Variants in RASSF3 observed in about 807,000 individuals in gnomAD.
RASSF3 encodes the protein ras association domain-containing protein 3.
Under a neutral mutation model 19.9 loss-of-function variants are expected in RASSF3, and 19 were observed. The observed-to-expected ratio is 0.96, with a 90% CI of 0.67 to 1.40. The LOEUF is 1.40. RASSF3 is among the 40% of genes most tolerant of loss of function. The probability of loss-of-function intolerance (pLI) is 0.00; values close to 1 mark genes in which losing one functional copy is unlikely to be tolerated. For synonymous variants in RASSF3, 110 were observed against 104.2 expected (o/e 1.06, Z -0.34); for missense variants, 306 against 289.8 (o/e 1.06, Z -0.41).
chr12:64,679,261 A>G (rs1311563332), intron 1 of RASSF3, among the ~76,000 whole-genome samples: 1 of 152,142 alleles, frequency 6.6e-6, no homozygotes, highest in East Asian at 1.9e-4. Flanking sequence ...GGGTTTCACC[A>G]TGTTGGCCAG....
intron 2 of RASSF3, among the ~76,000 whole-genome samples, chr12:64,687,807 G>A (rs1185117361): frequency 6.6e-6 from 1 of 152,104 alleles, no homozygotes; most frequent in African/African-American, 2.4e-5. Flanking sequence ...ACCAGTTGAG[G>A]ATGTTGTTTC....
chr12:64,575,900 T>C (rs1271792555), intron 2 of RASSF3, among the ~76,000 whole-genome samples: 6 of 149,622 alleles, frequency 4.0e-5, no homozygotes, highest in African/African-American at 1.5e-4. Context: ...TTTTTTTTTT[T>C]CTTTTTGAGA....
chr12:64,661,049 AG>A (rs1253983251), intron 1 of RASSF3, among the ~76,000 whole-genome samples: 2 of 152,198 alleles, frequency 1.3e-5, no homozygotes, highest in Non-Finnish European at 2.9e-5. Flanking sequence ...ACATGTCAGA[AG>A]GTGTTTTGTG....
intron 1 of RASSF3, among the ~76,000 whole-genome samples, chr12:64,634,998 C>T (rs1871288198): frequency 7.3e-6 from 1 of 136,646 alleles, no homozygotes; most frequent in Non-Finnish European, 1.5e-5. Flanking sequence ...CAAGATCTAT[C>T]TCTGTCATCC....
chr12:64,686,001 G>A (rs1009257427), intron 2 of RASSF3, among the ~76,000 whole-genome samples: 4 of 152,054 alleles, frequency 2.6e-5, no homozygotes, highest in African/African-American at 9.7e-5. Context: ...CTACCGAATC[G>A]GTGATTCTTG....
At chr12:64,686,155 T>C (rs1873342819) in intron 2 of RASSF3, among the ~76,000 whole-genome samples, 1 of 151,472 alleles carries the variant, frequency 6.6e-6, no homozygotes, top group African/African-American at 2.4e-5. Context: ...ACACATTTTT[T>C]CATCAAAGGA....
intron 1 of RASSF3, among the ~76,000 whole-genome samples, chr12:64,507,992 A>G (rs1868302180): frequency 6.6e-6 from 1 of 151,942 alleles, no homozygotes; most frequent in Non-Finnish European, 1.5e-5. Context: ...TCACCTTCAT[A>G]CTCTGCAGCA....
chr12:64,585,424 C>T (rs1020071530), intron 2 of RASSF3, among the ~76,000 whole-genome samples: 13 of 152,048 alleles, frequency 8.5e-5, no homozygotes, highest in Non-Finnish European at 1.8e-4. Context: ...GATTTCTCTC[C>T]CTGACTGGGC....
At chr12:64,569,731 C>T (rs570782991) in intron 2 of RASSF3, among the ~76,000 whole-genome samples, 76 of 152,232 alleles carry the variant, frequency 5.0e-4, no homozygotes, top group Non-Finnish European at 7.9e-4. Flanking sequence ...TTTGGGAGGC[C>T]GGGGCGGGCA....
At chr12:64,669,811 G>A (rs1227384481) in intron 1 of RASSF3, among the ~76,000 whole-genome samples, 2 of 150,896 alleles carry the variant, frequency 1.3e-5, no homozygotes, top group African/African-American at 4.9e-5. Flanking sequence ...AGGAAAAGGA[G>A]CTGGAGGGTG....
chr12:64,682,440 G>A (rs577979708), intron 1 of RASSF3, among the ~76,000 whole-genome samples: 28 of 151,914 alleles, frequency 1.8e-4, no homozygotes, highest in Middle Eastern at 3.4e-3. Context: ...GGTGGCGGGC[G>A]CCTGTAGTCC....
intron 1 of RASSF3, among the ~76,000 whole-genome samples, chr12:64,626,474 T>TGA (rs1241803866): frequency 7.8e-6 from 1 of 127,806 alleles, no homozygotes; most frequent in African/African-American, 3.1e-5. Flanking sequence ...GGCAACAGAG[T>TGA]GAGACTCTTG....
Position 64,634,157 on chromosome 12 carries a change from C to G in RASSF3, c.111+23414C>G, listed in dbSNP as rs1408613994. ...AGCAAACAAACAAGAATTGTGTGAG[C>G]TGAACTAGTTGAGATGTCTATGGTG... On this transcript the variant is annotated intron_variant, in intron 1 of 4. Transcript: ENST00000542104. Among the ~76,000 whole-genome samples the G allele has an allele frequency of 2.6e-5, 4 of 152,044 alleles. No individual in the cohort carries two copies. The East Asian group carries it at 7.7e-4, about 29-fold the overall frequency.
chr12:64,631,828 G>A (rs377093545), intron 1 of RASSF3, among the ~76,000 whole-genome samples: 6 of 152,066 alleles, frequency 3.9e-5, no homozygotes, highest in African/African-American at 1.4e-4. Flanking sequence ...GCCCACCTCG[G>A]CCTCCCAAAG....
intron 1 of RASSF3, among the ~76,000 whole-genome samples, chr12:64,522,586 G>A (rs1868501765): frequency 1.3e-5 from 2 of 152,172 alleles, no homozygotes; most frequent in Admixed American, 1.3e-4. Flanking sequence ...GCAGCTACCA[G>A]ATTGTCTGAA....
intron 1 of RASSF3, among the ~76,000 whole-genome samples, chr12:64,673,955 A>G (rs75907937): frequency 0.04 from 6,159 of 152,082 alleles, 149 homozygotes; most frequent in Non-Finnish European, 0.064. Flanking sequence ...ACCCAGTTTT[A>G]AAAGTACAAC....
At chr12:64,641,414 A>ACACACACACACGCGCGCGCGCGCGCG in intron 1 of RASSF3, among the ~76,000 whole-genome samples, 7 of 142,100 alleles carry the variant, frequency 4.9e-5, no homozygotes, top group African/African-American at 2.0e-4. Flanking sequence ...ACACACACAC[A>ACACACACACACGCGCGCGCGCGCGCG]CGCGCGCGCG....
intron 4 of RASSF3, among the ~76,000 whole-genome samples, chr12:64,693,538 C>T (rs2136226515): frequency 6.6e-6 from 1 of 152,208 alleles, no homozygotes; most frequent in Admixed American, 6.5e-5. Context: ...CCTACCTCAG[C>T]CTCCCAAGTA....
chr12:64,534,957 A>G (rs1346422263), intron 1 of RASSF3, among the ~76,000 whole-genome samples: 1 of 152,110 alleles, frequency 6.6e-6, no homozygotes, highest in Non-Finnish European at 1.5e-5. Flanking sequence ...ATATTTCCTC[A>G]TCTCTAAGGC....
Sources: allele counts gnomAD v4.1 joint callset (sites outside exome capture counted in the v4.1 genomes callset), GRCh38; gene constraint gnomAD v4.1.1; transcripts MANE v1.5; gene names NCBI Gene and HGNC (gene_info 2026-07-23, HGNC 2026-07-21).